The following TRPC3 variants were observed in gnomAD, a reference collection of about 807,000 sequenced individuals.
TRPC3 encodes the protein short transient receptor potential channel 3.
Under a neutral mutation model 90.9 loss-of-function variants are expected in TRPC3, and 54 were observed. The ratio of observed to expected loss-of-function variants is 0.59; its 90% confidence interval spans 0.48 to 0.75. The LOEUF (loss-of-function observed/expected upper bound fraction) is 0.75. Among genes scored for constraint, TRPC3 ranks in the 30% least tolerant of loss-of-function variants. The probability of loss-of-function intolerance (pLI) is 0.00; values close to 1 mark genes in which losing one functional copy is unlikely to be tolerated. For missense variants in TRPC3, 918 were observed against 1,194.5 expected (o/e 0.77, Z 3.41); for synonymous variants, 424 against 450.9 (o/e 0.94, Z 0.75).
At position 121,932,708 on chromosome 4, in the gene TRPC3, T is replaced by G. The variant is rs1729988016; in HGVS notation, c.550A>C (p.Ser184Arg). 6.2e-7 allele frequency: 1 copy of G among 1,613,738 alleles called. No homozygotes were observed. ...TCTACGATGCGCACGTAGCCCTTGC[T>G]GATGGCGAGCAGCAGGGCGTCGCCA... ...RIGDALLLAISKGYVRIVEAI... is the reference protein window; with the variant it reads ...RIGDALLLAIRKGYVRIVEAI... The change falls in exon 2 of 12, where the codon AGC (serine) becomes CGC (arginine). Residue 184 changes from serine to arginine, a missense_variant. Ser to Arg is a moderately radical substitution (Grantham distance 110, BLOSUM62 -1). Coordinates refer to ENST00000379645, the MANE Select transcript of TRPC3 (RefSeq NM_001130698.2). The surrounding 1 kb of genome is among the most constrained non-coding windows in gnomAD (Gnocchi z 7.7).
intron 3 of TRPC3, among the ~76,000 whole-genome samples, chr4:121,921,312 G>A (rs1330436886): frequency 6.6e-6 from 1 of 151,934 alleles, no homozygotes; most frequent in African/African-American, 2.4e-5. Flanking sequence ...CACGAGGTCA[G>A]GAGATCGAGA....
chr4:121,942,515 G>C (rs1238417696), intron 1 of TRPC3, among the ~76,000 whole-genome samples: 2 of 152,192 alleles, frequency 1.3e-5, no homozygotes, highest in Non-Finnish European at 2.9e-5. Flanking sequence ...GTTGCAGTGA[G>C]CCAAGATTGC....
intron 10 of TRPC3, among the ~76,000 whole-genome samples, chr4:121,884,311 C>A (rs1049574482): frequency 2.0e-5 from 3 of 152,104 alleles, no homozygotes; most frequent in African/African-American, 7.2e-5. Context: ...AGAAACCCAA[C>A]TTCAAGATAG....
chr4:121,916,838 C>G (rs1434096252), intron 3 of TRPC3, among the ~76,000 whole-genome samples: 1 of 152,098 alleles, frequency 6.6e-6, no homozygotes, highest in African/African-American at 2.4e-5. Context: ...CTCAGCCTCC[C>G]AAGTAGCTAA....
intron 1 of TRPC3, chr4:121,933,386 A>C: frequency 5.3e-6 from 1 of 188,536 alleles, no homozygotes; most frequent in East Asian, 1.4e-4. Context: ...CCGCTCTTAA[A>C]AGTCTTGGAC....
In TRPC3 at chr4:121,914,779, C is replaced by T. The variant is rs1291196973; in HGVS notation, c.1341+1G>A. ...AGGAAATAGATGTAGAAAGCAAGTACCCTGCTGCAAGGTGCGATCCAGTAG... is the reference window on the plus strand; with the variant it reads ...AGGAAATAGATGTAGAAAGCAAGTATCCTGCTGCAAGGTGCGATCCAGTAG... On this transcript the variant is annotated splice_donor_variant, in intron 4 of 11. Coordinates refer to ENST00000379645, the MANE Select transcript of TRPC3 (RefSeq NM_001130698.2). LOFTEE classifies it high-confidence loss of function. 6.2e-7 allele frequency: 1 copy of T among 1,600,538 alleles called. No individual in the cohort carries two copies. The highest frequency in any genetic ancestry group is 8.5e-7 in the Non-Finnish European group (1 of 1,170,390).
chr4:121,939,852 T>G (rs1022279966), intron 1 of TRPC3, among the ~76,000 whole-genome samples: 4 of 152,164 alleles, frequency 2.6e-5, no homozygotes, highest in African/African-American at 9.7e-5. Context: ...CATAGAACAG[T>G]GCCCAGAGAC....
At position 121,914,978 on chromosome 4, in the gene TRPC3, G is replaced by A. The variant is rs561882136; in HGVS notation, c.1177-34C>T. ...AGAGAGAGAGTTTGAGAAGGGGAGAGAAAGGTAAGTTACCATACCATTGTC... is the reference window on the plus strand; with the variant it reads ...AGAGAGAGAGTTTGAGAAGGGGAGAAAAAGGTAAGTTACCATACCATTGTC... On this transcript the variant is annotated intron_variant, in intron 3 of 11. Transcript: ENST00000379645. 2.6e-5 allele frequency: 41 copies of A among 1,556,756 alleles called. No individual in the cohort carries two copies. In the African/African-American group the frequency reaches 5.0e-4, roughly 19 times the overall value.
chr4:121,875,583 G>A lies in TRPC3; in HGVS notation c.*4153C>T, dbSNP rs1489182413. On this transcript the variant is annotated 3_prime_UTR_variant, in exon 12 of 12. Transcript: ENST00000379645. ...TCTTTATAAAACTCAACAGAAGATG[G>A]CTGCCTCTCAGATGTGACAAAGACC... Among the ~76,000 whole-genome samples, 1 of 151,986 alleles carries A rather than the reference G, an allele frequency of 6.6e-6. No individual in the cohort carries two copies. The highest frequency in any genetic ancestry group is 1.5e-5 in the Non-Finnish European group (1 of 68,000).
chr4:121,882,512 T>C, intron 10 of TRPC3, 83 bp from the exon 11 acceptor site: 1 of 1,319,498 alleles, frequency 7.6e-7, no homozygotes, highest in East Asian at 2.5e-5. Context: ...CTTACATACC[T>C]GTAAAGCAAA....
chr4:121,913,576 G>A (rs1239395686), intron 4 of TRPC3, among the ~76,000 whole-genome samples: 1 of 152,150 alleles, frequency 6.6e-6, no homozygotes. Flanking sequence ...TCCCCTAAGA[G>A]ACAAACATTT....
chr4:121,917,481 A>T (rs1403594546), intron 3 of TRPC3, among the ~76,000 whole-genome samples: 1 of 152,202 alleles, frequency 6.6e-6, no homozygotes, highest in Non-Finnish European at 1.5e-5. Context: ...CCTATGATCC[A>T]GGCAGTATAT....
At chr4:121,907,915 C>T (rs747570123) in intron 6 of TRPC3, among the ~76,000 whole-genome samples, 2 of 152,090 alleles carry the variant, frequency 1.3e-5, no homozygotes, top group South Asian at 4.1e-4. Context: ...TCCCTTCAGT[C>T]ATTAGATTTA....
chr4:121,908,969 C>T (rs1032688142), intron 6 of TRPC3, among the ~76,000 whole-genome samples: 1 of 152,084 alleles, frequency 6.6e-6, no homozygotes, highest in African/African-American at 2.4e-5. Context: ...TTTAGAGATG[C>T]AGAAACCAGA....
chr4:121,921,781 G>T (rs370763696), intron 3 of TRPC3, among the ~76,000 whole-genome samples: 34 of 152,156 alleles, frequency 2.2e-4, no homozygotes, highest in African/African-American at 7.0e-4. Context: ...ACGTGGTTTT[G>T]CTTGGAGACT....
At chr4:121,894,850 A>T (rs72919937) in intron 10 of TRPC3, among the ~76,000 whole-genome samples, 6,413 of 151,810 alleles carry the variant, frequency 0.042, 348 homozygotes, top group East Asian at 0.21. Flanking sequence ...ACCAGACCCA[A>T]CCCCAAAACA....
At chr4:121,909,567 T>G (rs1729011841) in intron 6 of TRPC3, among the ~76,000 whole-genome samples, 1 of 152,050 alleles carries the variant, frequency 6.6e-6, no homozygotes, top group Admixed American at 6.6e-5. Flanking sequence ...TCAGCTGAGG[T>G]CTCACTGCTC....
chr4:121,904,607 T>C (rs551726131), intron 7 of TRPC3, 90 bp from the exon 8 acceptor site: 47 of 871,698 alleles, frequency 5.4e-5, no homozygotes, highest in Non-Finnish European at 7.1e-5. Context: ...GTTTAACTAC[T>C]GTACAGATGT....
intron 3 of TRPC3, among the ~76,000 whole-genome samples, chr4:121,921,428 A>G (rs1408621275): frequency 1.4e-5 from 2 of 145,520 alleles, no homozygotes; most frequent in African/African-American, 5.0e-5. Flanking sequence ...AGGCTGAGGC[A>G]GGAGAATGGC....
Sources: gnomAD v4.1 joint callset for allele counts (sites outside exome capture counted in the v4.1 genomes callset) on GRCh38, gnomAD v4.1.1 for gene constraint, Gnocchi (gnomAD v3.1) non-coding constraint, MANE v1.5 for transcripts, NCBI Gene and HGNC (gene_info 2026-07-23, HGNC 2026-07-21) for gene names.